The following ESPN variants were observed in gnomAD, a reference collection of about 807,000 sequenced individuals.
The protein encoded by ESPN is autosomal recessive deafness type 36 protein.
In ESPN, 68 loss-of-function variants were observed where a neutral mutation model predicts 77.7. The ratio of observed to expected loss-of-function variants is 0.87; its 90% CI spans 0.72 to 1.07. The LOEUF is 1.07. Among genes scored for constraint, ESPN ranks in the 50% least tolerant of loss-of-function variants. The pLI is 0.00. For synonymous variants in ESPN, 449 were observed against 567.1 expected (o/e 0.79, Z 2.96); for missense variants, 1,060 against 1,239.0 (o/e 0.86, Z 2.17).
rs1268341554 is a variant in ESPN, at chr1:6,424,929, C to T, written c.-27C>T. ...GGCGTCCTGGGGAAGGCGCTGAGTG[C>T]GGAGTCGCGGCGCCGCACGCGGCAC... On this transcript the variant is annotated 5_prime_UTR_variant, in exon 1 of 13. Transcript: ENST00000645284. 4 of 1,435,564 alleles carry T rather than the reference C, an allele frequency of 2.8e-6. No individual in the cohort carries two copies. The highest frequency in any genetic ancestry group is 6.3e-5 in the East Asian group (2 of 31,836). 88.9% of individuals were successfully genotyped at this position (1,435,564 alleles called of 1,614,324 possible).
At chr1:6,458,595 C>T (rs530419874) in intron 12 of ESPN, among the ~76,000 whole-genome samples, 8 of 151,680 alleles carry the variant, frequency 5.3e-5, no homozygotes, top group Non-Finnish European at 7.4e-5. Context: ...GGATCACAGG[C>T]GTAAGCCTTC....
rs1643929742 is a variant in ESPN at position 6,450,734 on chromosome 1, CTT to C, written c.1916-868_1916-867del. On this transcript the variant is annotated intron_variant, in intron 8 of 12. Transcript: ENST00000645284. The surrounding 1 kb of genome is among the most constrained non-coding windows in gnomAD (Gnocchi z 4.3). ...ACACCGATTTTCCCTTTCTCCTACT[CTT>C]CTCCCCCACCACCCCCACCCGCTGT... Among the ~76,000 whole-genome samples the C allele has an allele frequency of 6.6e-6, 1 of 152,114 alleles. No individual in the cohort carries two copies. The highest frequency in any genetic ancestry group is 1.5e-5 in the Non-Finnish European group (1 of 68,018).
At chr1:6,443,820 C>T (rs1421498872) in intron 5 of ESPN, among the ~76,000 whole-genome samples, 5 of 152,214 alleles carry the variant, frequency 3.3e-5, no homozygotes, top group African/African-American at 9.6e-5. Flanking sequence ...GCGGAGCAAG[C>T]GGGCTTGCCG....
At chr1:6,456,555 A>G in intron 10 of ESPN, 1 of 184,670 alleles carries the variant, frequency 5.4e-6, no homozygotes, top group Non-Finnish European at 1.1e-5. Flanking sequence ...TGGAGTTCAC[A>G]GCTACCTCCT....
rs537249505 is a variant in ESPN, at chr1:6,436,402, G to C, written c.489-3852G>C. Among the ~76,000 whole-genome samples, 174 of 152,226 alleles carry C rather than the reference G, an allele frequency of 1.1e-3. 1 individual carries two copies. Among genetic ancestry groups the C allele is most frequent in the South Asian group, 2.3e-3 (11 of 4,812 alleles). On this transcript the variant is annotated intron_variant, in intron 2 of 12. Coordinates refer to ENST00000645284, the MANE Select transcript of ESPN (RefSeq NM_031475.3). Reference sequence around the variant, plus strand: ...GTGCTTGAGACAGAGTAATCATTCAGTAAATGGTGGCTGCTATCACTATTA... The same window carrying C: ...GTGCTTGAGACAGAGTAATCATTCACTAAATGGTGGCTGCTATCACTATTA...
intron 5 of ESPN, among the ~76,000 whole-genome samples, chr1:6,442,785 T>C (rs952735362): frequency 2.7e-5 from 4 of 150,050 alleles, no homozygotes; most frequent in Non-Finnish European, 4.4e-5. Flanking sequence ...GGAGAATCGC[T>C]TGAACCCGGG....
In ESPN at chr1:6,451,168, G is replaced by A. The variant is rs1643937140; in HGVS notation, c.1916-435G>A. 3.1e-6 allele frequency: 1 copy of A among 327,420 alleles called. No homozygotes were observed. Among genetic ancestry groups the A allele is most frequent in the Admixed American group, 4.4e-5 (1 of 22,864 alleles). 20.3% of individuals were successfully genotyped at this position (327,420 alleles called of 1,614,324 possible). ...GAGGCCCCAATTGACTCAGTTCAAG[G>A]GTCACTGAGGCTTTGCTGATGTAGG... On this transcript the variant is annotated intron_variant, in intron 8 of 12. Transcript: ENST00000645284. The surrounding 1 kb of genome is among the most constrained non-coding windows in gnomAD (Gnocchi z 4.3).
rs767354953 is a variant in ESPN, at chr1:6,451,171, C to T, written c.1916-432C>T. On this transcript the variant is annotated intron_variant, in intron 8 of 12. Coordinates refer to ENST00000645284, the MANE Select transcript of ESPN (RefSeq NM_031475.3). The surrounding 1 kb of genome is among the most constrained non-coding windows in gnomAD (Gnocchi z 4.3). ...GCCCCAATTGACTCAGTTCAAGGGT[C>T]ACTGAGGCTTTGCTGATGTAGGGAG... 111 of 329,768 alleles carry T rather than the reference C, an allele frequency of 3.4e-4. No homozygotes were observed. The highest frequency in any genetic ancestry group is 1.1e-3 in the Middle Eastern group (1 of 938). The allele number at this position is 329,768 out of a possible 1,614,324, so 20.4% of individuals were successfully genotyped here.
chr1:6,432,050 A>C (rs1180801599), intron 2 of ESPN, among the ~76,000 whole-genome samples: 1 of 151,784 alleles, frequency 6.6e-6, no homozygotes, highest in Admixed American at 6.6e-5. Context: ...GGTCCTAATC[A>C]CTCAGGGCCT....
intron 12 of ESPN, 131 bp downstream of exon 12, chr1:6,457,503 C>G: frequency 9.5e-7 from 1 of 1,049,442 alleles, no homozygotes; most frequent in Non-Finnish European, 1.5e-6. Flanking sequence ...TCCTTCCTCC[C>G]TATAATACCC....
chr1:6,430,705 A>T (rs2148506056), intron 2 of ESPN, among the ~76,000 whole-genome samples: 1 of 151,850 alleles, frequency 6.6e-6, no homozygotes, highest in East Asian at 1.9e-4. Flanking sequence ...CGGCAGACGG[A>T]GGTTGCGGTG....
chr1:6,438,213 G>A (rs146894630), intron 2 of ESPN, among the ~76,000 whole-genome samples: 33 of 152,270 alleles, frequency 2.2e-4, no homozygotes, highest in African/African-American at 7.5e-4. Flanking sequence ...AGTGTCCTTC[G>A]GTGGTAACTG....
rs1643932352 is a variant in ESPN, at chr1:6,450,877, C to T, written c.1916-726C>T. Among the ~76,000 whole-genome samples the T allele has an allele frequency of 6.6e-6, 1 of 152,160 alleles. No homozygotes were observed. ...CAAGAGACCTCTCTCTCCAAATCTC[C>T]ATTTGCCTCCTCTGGCTAAGCTGGA... On this transcript the variant is annotated intron_variant, in intron 8 of 12. Coordinates refer to ENST00000645284, the MANE Select transcript of ESPN (RefSeq NM_031475.3). The surrounding 1 kb of genome is among the most constrained non-coding windows in gnomAD (Gnocchi z 4.3).
chr1:6,444,506 G>A lies in ESPN; in HGVS notation c.1016G>A (p.Arg339Gln), dbSNP rs148390614. 3.8e-5 allele frequency: 62 copies of A among 1,614,062 alleles called. No individual in the cohort carries two copies. Among genetic ancestry groups the A allele is most frequent in the Non-Finnish European group, 4.9e-5 (58 of 1,180,028 alleles). The change falls in exon 6 of 13, where the codon CGG (arginine) becomes CAG (glutamine). Residue 339 changes from arginine to glutamine, a missense_variant. Physicochemically the swap from Arg to Gln is conservative, Grantham distance 43 (BLOSUM62 1). Transcript: ENST00000645284. ...AGCGTGGAGCACCGCGTGCTTTCCC[G>A]GGATCCATCCGCAGAGCTGGAGGCT... The part of the protein sequence containing the change: ...NLSVEHRVLS[R>Q]DPSAELEAKQ...
Position 6,424,805 on chromosome 1 carries a change from C to T in ESPN, c.-151C>T. 2 of 783,758 alleles carry T rather than the reference C, an allele frequency of 2.6e-6. No individual in the cohort carries two copies. The highest frequency in any genetic ancestry group is 3.4e-6 in the Non-Finnish European group (2 of 584,062). 48.6% of individuals were successfully genotyped at this position (783,758 alleles called of 1,614,324 possible). ...CGCGGCGGAGCGGAGCGCCAGGCAGCGCGGAGCGGAGGCCAGGCCCACAGC... is the reference window on the plus strand; with the variant it reads ...CGCGGCGGAGCGGAGCGCCAGGCAGTGCGGAGCGGAGGCCAGGCCCACAGC... On this transcript the variant is annotated 5_prime_UTR_variant, in exon 1 of 13. Coordinates refer to ENST00000645284, the MANE Select transcript of ESPN (RefSeq NM_031475.3).
intron 2 of ESPN, among the ~76,000 whole-genome samples, chr1:6,438,886 C>A (rs1347201843): frequency 6.6e-6 from 1 of 152,220 alleles, no homozygotes; most frequent in African/African-American, 2.4e-5. Flanking sequence ...CTGAAACAGG[C>A]GGATCACTTG....
At chr1:6,426,336 G>C (rs550526730) in intron 1 of ESPN, among the ~76,000 whole-genome samples, 1 of 152,234 alleles carries the variant, frequency 6.6e-6, no homozygotes, top group Non-Finnish European at 1.5e-5. Context: ...TCTTTTGGGC[G>C]GTGGCATGCC....
rs1051415642 is a variant in ESPN at position 6,427,331 on chromosome 1, A to G, written c.295-895A>G. On this transcript the variant is annotated intron_variant, in intron 1 of 12. Coordinates refer to ENST00000645284, the MANE Select transcript of ESPN (RefSeq NM_031475.3). The surrounding 1 kb of genome is among the most constrained non-coding windows in gnomAD (Gnocchi z 4.6). ...CAAGTGCGGCAGCCTCTGTGTCTAG[A>G]TGTTCCCGGGAATTCTCCTCCCAGC... 1.3e-5 allele frequency among the ~76,000 whole-genome samples: 2 copies of G among 151,926 alleles called. No individual in the cohort carries two copies. The highest frequency in any genetic ancestry group is 4.8e-5 in the African/African-American group (2 of 41,350).
Position 6,440,332 on chromosome 1 carries a change from G to A in ESPN, c.567G>A (p.Gln189=), listed in dbSNP as rs1569642267. The part of the protein sequence containing the change: ...ACQEGHLEVT[Q]YLVQECGADP... ...AGGAGGGCCACCTGGAGGTGACCCA[G>A]TACCTGGTGCAGGAATGCGGCGCAG... Residue 189 remains glutamine (Q), a synonymous_variant, in exon 3 of 13, where the codon CAG becomes CAA. Coordinates refer to ENST00000645284, the MANE Select transcript of ESPN (RefSeq NM_031475.3). 1 of 1,578,816 alleles carries A rather than the reference G, an allele frequency of 6.3e-7. No homozygotes were observed. The highest frequency in any genetic ancestry group is 2.3e-5 in the East Asian group (1 of 42,912).
Sources: gnomAD v4.1 joint callset for allele counts (sites outside exome capture counted in the v4.1 genomes callset) on GRCh38, gnomAD v4.1.1 for gene constraint, Gnocchi (gnomAD v3.1) non-coding constraint, MANE v1.5 for transcripts, NCBI Gene and HGNC (gene_info 2026-07-23, HGNC 2026-07-21) for gene names.